AOPEP: variants seen among roughly 807,000 people sequenced by gnomAD.
AOPEP encodes the protein aminopeptidase O.
Under a neutral mutation model 98.1 loss-of-function variants are expected in AOPEP, and 77 were observed. That is an observed-to-expected ratio of 0.78 (90% CI 0.65 to 0.95). The LOEUF is 0.95. Among genes scored for constraint, AOPEP ranks in the 40% least tolerant of loss-of-function variants. The pLI, the probability that AOPEP is intolerant of heterozygous loss-of-function variation, is 0.00. For synonymous variants in AOPEP, 346 were observed against 365.3 expected, an observed-to-expected ratio of 0.95 and a Z score of 0.60; for missense variants, 1,024 against 1,024.7, an observed-to-expected ratio of 1.00 and a Z score of 0.01.
At chr9:94,969,876 G>A (rs1428740911) in intron 10 of AOPEP, among the ~76,000 whole-genome samples, 2 of 152,100 alleles carry the variant, frequency 1.3e-5, no homozygotes, top group Middle Eastern at 3.2e-3. Flanking sequence ...TGAATTCTTT[G>A]ACACAGACAT....
chr9:95,005,307 G>C, intron 12 of AOPEP, 87 bp downstream of exon 12: 1 of 791,544 alleles, frequency 1.3e-6, no homozygotes. Flanking sequence ...GCGCTGCGGC[G>C]CGCGGGTGCG....
At chr9:95,142,980 A>G in the AOPEP span, among the ~76,000 whole-genome samples, 1 of 152,216 alleles carries the variant, frequency 6.6e-6, no homozygotes, top group Non-Finnish European at 1.5e-5. Context: ...TTAAGGGCTC[A>G]GTCCCACAAG....
intron 10 of AOPEP, among the ~76,000 whole-genome samples, chr9:94,974,154 T>C (rs1271769080): frequency 6.6e-6 from 1 of 152,250 alleles, no homozygotes; most frequent in Non-Finnish European, 1.5e-5. Context: ...AACATTGTCC[T>C]ATGGTGTCCC....
chr9:94,953,539 T>C (rs1286120614), intron 7 of AOPEP, among the ~76,000 whole-genome samples: 2 of 152,170 alleles, frequency 1.3e-5, no homozygotes, highest in African/African-American at 4.8e-5. Context: ...CTTTGCAATG[T>C]ATTATTTCAG....
At chr9:94,825,109 G>A (rs1215327957) in intron 5 of AOPEP, among the ~76,000 whole-genome samples, 2 of 152,116 alleles carry the variant, frequency 1.3e-5, no homozygotes, top group South Asian at 2.1e-4. Context: ...AGCAGATTGG[G>A]GAGGGAGGAG....
rs1255922164 is a variant in AOPEP at position 94,760,624 on chromosome 9, G to A, written c.797+44G>A. On this transcript the variant is annotated intron_variant, in intron 2 of 16. Transcript: ENST00000375315. ...TCAAAGCCCTGTGCCTGTTAATCTTGTACGCTGCGGGGATGCTTTCAAACA... is the reference window on the plus strand; with the variant it reads ...TCAAAGCCCTGTGCCTGTTAATCTTATACGCTGCGGGGATGCTTTCAAACA... 12 of 1,448,934 alleles carry A rather than the reference G, an allele frequency of 8.3e-6. No homozygotes were observed. The South Asian group carries it at 1.4e-4, about 17-fold the overall frequency. The allele number at this position is 1,448,934 out of a possible 1,614,324, so 89.8% of individuals were successfully genotyped here.
chr9:95,113,104 G>C, the AOPEP span, among the ~76,000 whole-genome samples: 2 of 152,208 alleles, frequency 1.3e-5, no homozygotes, highest in South Asian at 4.1e-4. Flanking sequence ...ACCAGGGAGG[G>C]TGTGTGGGGG....
At chr9:95,043,239 G>GATATATACAGATATATATATACAT (rs967611328) in intron 13 of AOPEP, among the ~76,000 whole-genome samples, 2,381 of 22,930 alleles carry the variant, frequency 0.1, 72 homozygotes, top group African/African-American at 0.14. Flanking sequence ...TATATATACA[G>GATATATACAGATATATATATACAT]ATATATACAG....
chr9:95,074,100 A>G (rs1169858299), intron 14 of AOPEP, among the ~76,000 whole-genome samples: 1 of 152,078 alleles, frequency 6.6e-6, no homozygotes, highest in Non-Finnish European at 1.5e-5. Flanking sequence ...AGTGAGCCCC[A>G]TCCTCATAGC....
intron 10 of AOPEP, among the ~76,000 whole-genome samples, chr9:94,969,073 A>G (rs1208956411): frequency 6.6e-6 from 1 of 152,168 alleles, no homozygotes; most frequent in Non-Finnish European, 1.5e-5. Context: ...ATTTTAGCCC[A>G]AGCAGTCTGG....
chr9:95,126,005 G>A, the AOPEP span, among the ~76,000 whole-genome samples: 84 of 152,280 alleles, frequency 5.5e-4, no homozygotes, highest in African/African-American at 1.3e-3. Context: ...GTCTCTTGCC[G>A]TCTGTAAATC....
At chr9:94,931,905 C>T in intron 7 of AOPEP, 1 of 1,166,916 alleles carries the variant, frequency 8.6e-7, no homozygotes, top group Non-Finnish European at 1.2e-6. Flanking sequence ...CTCTTGCTGG[C>T]AGGTTAACAG....
At chr9:94,861,768 A>G (rs2045035122) in intron 5 of AOPEP, among the ~76,000 whole-genome samples, 1 of 152,204 alleles carries the variant, frequency 6.6e-6, no homozygotes, top group South Asian at 2.1e-4. Context: ...CTTGACGAGT[A>G]GTACACCTGG....
chr9:94,968,058 A>G (rs892157381), intron 10 of AOPEP, among the ~76,000 whole-genome samples: 1 of 152,222 alleles, frequency 6.6e-6, no homozygotes, highest in Non-Finnish European at 1.5e-5. Context: ...AGGCAAGCCA[A>G]GCGCAATCTG....
chr9:94,816,677 A>G (rs1207123205), intron 5 of AOPEP, among the ~76,000 whole-genome samples: 2 of 152,096 alleles, frequency 1.3e-5, no homozygotes, highest in Admixed American at 6.5e-5. Flanking sequence ...CTAGAAGAAG[A>G]CTGGGGAGTT....
At chr9:94,760,781 G>C (rs1838089506) in intron 2 of AOPEP, 1 of 428,544 alleles carries the variant, frequency 2.3e-6, no homozygotes, top group Admixed American at 3.9e-5. Context: ...GCTCCCTTAA[G>C]TCAGGATGAA....
intron 6 of AOPEP, among the ~76,000 whole-genome samples, chr9:94,926,058 C>T (rs2054271189): frequency 6.6e-6 from 1 of 152,206 alleles, no homozygotes; most frequent in Non-Finnish European, 1.5e-5. Context: ...TGGAGTGCCT[C>T]CCTTCTGAGA....
intron 16 of AOPEP, 160 bp downstream of exon 16, chr9:95,082,879 T>C (rs911154294): frequency 2.0e-4 from 152 of 743,846 alleles, no homozygotes; most frequent in Non-Finnish European, 3.0e-4. Flanking sequence ...AAGTGGGTGC[T>C]GGGCTGGTAT....
chr9:95,057,581 T>C (rs1171923719), intron 13 of AOPEP, among the ~76,000 whole-genome samples: 3 of 152,236 alleles, frequency 2.0e-5, no homozygotes, highest in Non-Finnish European at 4.4e-5. Flanking sequence ...TTAACCACAT[T>C]TTTGCTTCAA....
Sources: allele counts gnomAD v4.1 joint callset (sites outside exome capture counted in the v4.1 genomes callset), GRCh38; gene constraint gnomAD v4.1.1; transcripts MANE v1.5; gene names NCBI Gene and HGNC (gene_info 2026-07-23, HGNC 2026-07-21).